The following BAZ1B variants were observed in gnomAD, a reference collection of about 807,000 sequenced individuals.
BAZ1B encodes bromodomain adjacent to zinc finger domain 1B, also known as tyrosine-protein kinase BAZ1B.
BAZ1B carries 22 observed loss-of-function variants against 153.8 expected under a neutral mutation model. That is an observed-to-expected ratio of 0.14 (90% CI 0.10 to 0.20). BAZ1B has a LOEUF of 0.20. Ranked by LOEUF, BAZ1B falls within the 10% of genes least tolerant of loss-of-function variation. The pLI, the probability that BAZ1B is intolerant of heterozygous loss-of-function variation, is 1.00. For synonymous variants in BAZ1B, 676 were observed against 633.4 expected, an observed-to-expected ratio of 1.07 and a Z score of -1.01; for missense variants, 1,325 against 1,799.3, an observed-to-expected ratio of 0.74 and a Z score of 4.77.
At chr7:73,478,765 C>G (rs1789089083) in intron 6 of BAZ1B, among the ~76,000 whole-genome samples, 196 bp from the exon 7 acceptor site, 1 of 152,110 alleles carries the variant, frequency 6.6e-6, no homozygotes. Context: ...ACACAAAATT[C>G]CCTTGACATC....
chr7:73,468,168 C>T (rs1788664975), intron 9 of BAZ1B, among the ~76,000 whole-genome samples: 1 of 152,140 alleles, frequency 6.6e-6, no homozygotes, highest in African/African-American at 2.4e-5. Context: ...TCCCACATGA[C>T]ACCAACACAT....
At chr7:73,513,096 G>A (rs1790652201) in intron 1 of BAZ1B, among the ~76,000 whole-genome samples, 1 of 152,138 alleles carries the variant, frequency 6.6e-6, no homozygotes, top group Non-Finnish European at 1.5e-5. Flanking sequence ...TAGGACTACA[G>A]GTGCACACCA....
intron 8 of BAZ1B, 70 bp from the exon 9 acceptor site, chr7:73,469,720 G>A: frequency 1.3e-6 from 2 of 1,558,568 alleles, no homozygotes; most frequent in Non-Finnish European, 1.8e-6. Flanking sequence ...TACTGCTGGA[G>A]AAGATAATAC....
chr7:73,481,611 T>C (rs1250127601), intron 6 of BAZ1B, among the ~76,000 whole-genome samples: 1 of 151,358 alleles, frequency 6.6e-6, no homozygotes, highest in Non-Finnish European at 1.5e-5. Flanking sequence ...AAATATGGCC[T>C]ACACTGAGTA....
At chr7:73,465,595 A>C in intron 10 of BAZ1B, 58 bp from the exon 11 acceptor site, 2 of 1,171,488 alleles carry the variant, frequency 1.7e-6, no homozygotes, top group Non-Finnish European at 2.5e-6. Flanking sequence ...TCAAAATCAA[A>C]CACTAAGCAA....
At chr7:73,520,406 A>G (rs1323976404) in intron 1 of BAZ1B, among the ~76,000 whole-genome samples, 1 of 152,134 alleles carries the variant, frequency 6.6e-6, no homozygotes, top group Non-Finnish European at 1.5e-5. Flanking sequence ...TTGAAAGTGA[A>G]GGAGTAACAT....
chr7:73,463,221 T>A, intron 11 of BAZ1B, 122 bp from the exon 12 acceptor site: 1 of 839,308 alleles, frequency 1.2e-6, no homozygotes, highest in Non-Finnish European at 1.8e-6. Flanking sequence ...CACCTCTCCC[T>A]GGTGTTTTTT....
chr7:73,476,027 A>G (rs1554572710), intron 7 of BAZ1B, among the ~76,000 whole-genome samples: 1 of 151,992 alleles, frequency 6.6e-6, no homozygotes, highest in African/African-American at 2.4e-5. Context: ...TTCATGTTGT[A>G]GCATGTAAAA....
At chr7:73,453,733 C>T (rs1788094738) in intron 13 of BAZ1B, among the ~76,000 whole-genome samples, 1 of 152,218 alleles carries the variant, frequency 6.6e-6, no homozygotes, top group African/African-American at 2.4e-5. Context: ...GCCTGTAATC[C>T]TAGCACTCTG....
In BAZ1B at chr7:73,477,377, C is replaced by G. The variant is rs1789036226; in HGVS notation, c.2084G>C (p.Cys695Ser). Residue 695 changes from cysteine to serine, a missense_variant, in exon 7 of 20, where the codon TGC (cysteine) becomes TCC (serine). Physicochemically the swap from Cys to Ser is moderately radical, Grantham distance 112 (BLOSUM62 -1). Around this residue, in one of 9 missense-constraint regions of BAZ1B, gnomAD observed 154 missense variants for 266.3 expected, o/e 0.58. Coordinates refer to ENST00000339594, the MANE Select transcript of BAZ1B (RefSeq NM_032408.4). This position sits in a 1 kb window ranked among gnomAD's most constrained non-coding sequence, Gnocchi z 5.6. ...CTCCTGAACATCAGATCTGCGCAAGCAGAGCCGCACCAGCTCTGAAACAGA... is the reference window on the plus strand; with the variant it reads ...CTCCTGAACATCAGATCTGCGCAAGGAGAGCCGCACCAGCTCTGAAACAGA... ...LHSVSELVRL[C>S]LRRSDVQEES... The G allele has an allele frequency of 1.2e-6, 2 of 1,614,130 alleles. No homozygotes were observed. Among genetic ancestry groups the G allele is most frequent in the African/African-American group, 1.3e-5 (1 of 74,952 alleles).
At chr7:73,507,778 G>A (rs145058347) in intron 3 of BAZ1B, among the ~76,000 whole-genome samples, 184 of 151,394 alleles carry the variant, frequency 1.2e-3, no homozygotes, top group African/African-American at 4.1e-3. Context: ...GTGGGCGGAC[G>A]GCTTAAGCCA....
At chr7:73,465,328 T>C in intron 11 of BAZ1B, 111 bp downstream of exon 11, 1 of 677,286 alleles carries the variant, frequency 1.5e-6, no homozygotes, top group Non-Finnish European at 2.4e-6. Flanking sequence ...GGTTACACAT[T>C]TAAAATATTT....
At chr7:73,519,647 C>T (rs1790949886) in intron 1 of BAZ1B, among the ~76,000 whole-genome samples, 2 of 152,156 alleles carry the variant, frequency 1.3e-5, no homozygotes, top group African/African-American at 2.4e-5. Flanking sequence ...CAATTTCATT[C>T]ATTCAATAAT....
At chr7:73,467,145 C>G (rs939535543) in intron 9 of BAZ1B, among the ~76,000 whole-genome samples, 2 of 152,082 alleles carry the variant, frequency 1.3e-5, no homozygotes, top group Non-Finnish European at 2.9e-5. Context: ...GTTGGCCAGG[C>G]TGGTCTCCAA....
At position 73,444,571 on chromosome 7, in the gene BAZ1B, T is replaced by C. The variant is rs111248560; in HGVS notation, c.3845-442A>G. Among the ~76,000 whole-genome samples the C allele has an allele frequency of 6.9e-3, 1,051 of 152,328 alleles. 8 individuals are homozygous for C. Among genetic ancestry groups the C allele is most frequent in the Non-Finnish European group, 0.012 (789 of 68,028 alleles). ...ACTGGATTGTAAAACAAACCCTATG[T>C]TGTAATTCCCAGAGTTATTCTACAC... On this transcript the variant is annotated intron_variant, in intron 16 of 19. Coordinates refer to ENST00000339594, the MANE Select transcript of BAZ1B (RefSeq NM_032408.4).
chr7:73,470,706 T>C (rs1296207792), intron 7 of BAZ1B, among the ~76,000 whole-genome samples: 2 of 152,148 alleles, frequency 1.3e-5, no homozygotes, highest in East Asian at 3.8e-4. Flanking sequence ...CTCAACTCAA[T>C]GCAAAATCTT....
At position 73,510,863 on chromosome 7, in the gene BAZ1B, T is replaced by C. The variant is rs781810237; in HGVS notation, c.108-11A>G. 5.6e-6 allele frequency: 9 copies of C among 1,610,528 alleles called. No individual in the cohort carries two copies. The South Asian group carries it at 6.6e-5, about 12-fold the overall frequency. On this transcript the variant is annotated splice_polypyrimidine_tract_variant and intron_variant, in intron 1 of 19. Transcript: ENST00000339594. Reference sequence around the variant, plus strand: ...CGGGCTTCATACTCTCTGTTGGCAGTAGTTCAGGAAAACAATATGCAAGCA... The same window carrying C: ...CGGGCTTCATACTCTCTGTTGGCAGCAGTTCAGGAAAACAATATGCAAGCA...
At chr7:73,463,857 G>C (rs896222026) in intron 11 of BAZ1B, among the ~76,000 whole-genome samples, 14 of 152,100 alleles carry the variant, frequency 9.2e-5, no homozygotes, top group African/African-American at 3.4e-4. Context: ...ACAGGCACCC[G>C]CCACCATGCC....
chr7:73,440,498 CAAT>C lies in BAZ1B; in HGVS notation c.*1208_*1210del, dbSNP rs1490044012. 8 of 140,122 alleles carry C rather than the reference CAAT, an allele frequency of 5.7e-5. No homozygotes were observed. Among genetic ancestry groups the C allele is most frequent in the Non-Finnish European group, 1.2e-4 (8 of 64,364 alleles). 8.7% of individuals were successfully genotyped at this position (140,122 alleles called of 1,614,324 possible). On this transcript the variant is annotated 3_prime_UTR_variant, in exon 20 of 20. Transcript: ENST00000339594. Reference sequence around the variant, plus strand: ...TAATGGGGCCCTTCCTCTTTGAAGACAATAAAAAAAAAAAACAACAACAAACAA... The same window carrying C: ...TAATGGGGCCCTTCCTCTTTGAAGACAAAAAAAAAAAACAACAACAAACAA...
Sources: allele counts gnomAD v4.1 joint callset (sites outside exome capture counted in the v4.1 genomes callset), GRCh38; gene constraint gnomAD v4.1.1; regional missense constraint gnomAD v4.1.1; non-coding constraint Gnocchi (gnomAD v3.1); transcripts MANE v1.5; gene names NCBI Gene and HGNC (gene_info 2026-07-23, HGNC 2026-07-21).